CROCC2: variants seen among roughly 807,000 people sequenced by gnomAD.
The protein encoded by CROCC2 is ciliary rootlet coiled-coil, rootletin family member 2.
Under a neutral mutation model 177.6 loss-of-function variants are expected in CROCC2, and 163 were observed. That is an observed-to-expected ratio of 0.92 (90% CI 0.81 to 1.05). CROCC2 has a LOEUF of 1.05. CROCC2 is among the 50% of genes least tolerant of loss of function. CROCC2 has a pLI of 0.00. For missense variants in CROCC2, 1,929 were observed against 1,797.8 expected (o/e 1.07, Z -1.32); for synonymous variants, 904 against 787.3 (o/e 1.15, Z -2.48).
chr2:240,961,330 A>T (rs545103805), intron 20 of CROCC2, among the ~76,000 whole-genome samples: 23 of 152,276 alleles, frequency 1.5e-4, no homozygotes, highest in Admixed American at 1.4e-3. Flanking sequence ...GCAGACACAC[A>T]AGCCTCACAC....
At chr2:240,964,655 A>C (rs1043020304) in intron 22 of CROCC2, 30 bp downstream of exon 22, 15 of 1,541,022 alleles carry the variant, frequency 9.7e-6, no homozygotes, top group Non-Finnish European at 1.3e-5. Flanking sequence ...TCAACATCCA[A>C]CCAGGCACCC....
intron 18 of CROCC2, among the ~76,000 whole-genome samples, chr2:240,954,171 C>T (rs550662337): frequency 1.2e-3 from 180 of 152,348 alleles, no homozygotes; most frequent in African/African-American, 4.1e-3. Context: ...AAATCCCCCA[C>T]TCCTGCCCCT....
In CROCC2 at chr2:240,955,895, A is replaced by G. The variant is rs1175721471; in HGVS notation, c.2866A>G (p.Ser956Gly). 1 of 1,534,884 alleles carries G rather than the reference A, an allele frequency of 6.5e-7. No individual in the cohort carries two copies. The change falls in exon 19 of 32, where the codon AGT becomes GGT. Residue 956 changes from serine (S) to glycine (G), a missense_variant. Physicochemically the swap from Ser to Gly is moderately conservative, Grantham distance 56 (BLOSUM62 0). Coordinates refer to ENST00000690015, the MANE Select transcript of CROCC2 (RefSeq NM_001351305.2). ...SLKETERSLL[S>G]EELSRARRTL... Reference sequence around the variant, plus strand: ...GAAAGAAACAGAGCGGAGCCTTCTGAGTGAGGAGCTCTCCAGGGCCAGGAG... The same window carrying G: ...GAAAGAAACAGAGCGGAGCCTTCTGGGTGAGGAGCTCTCCAGGGCCAGGAG...
rs944611787 is a variant in CROCC2, at chr2:240,922,584, G to C, written c.427G>C (p.Glu143Gln). ...ETTEAQLRRS[E>Q]LEHSVDLEEA... Reference sequence around the variant, plus strand: ...CACCGAGGCTCAGCTGCGGAGGTCAGAGCTGGAGCACAGCGTGGATCTGGA... The same window carrying C: ...CACCGAGGCTCAGCTGCGGAGGTCACAGCTGGAGCACAGCGTGGATCTGGA... Residue 143 changes from glutamate to glutamine, a missense_variant, in exon 4 of 32, where the codon GAG becomes CAG. Around this residue, in one of 3 missense-constraint regions of CROCC2, gnomAD observed 1,397 missense variants for 1,239.9 expected, o/e 1.13. Transcript: ENST00000690015. 11 of 695,572 alleles carry C rather than the reference G, an allele frequency of 1.6e-5. No individual in the cohort carries two copies. In the Admixed American group the frequency reaches 1.6e-4, roughly 10 times the overall value. The allele number at this position is 695,572 out of a possible 1,614,324, so 43.1% of individuals were successfully genotyped here. A position where few individuals can be genotyped will look rare whatever the true frequency, so the allele number is the denominator to read the frequency against.
intron 26 of CROCC2, 127 bp downstream of exon 26, chr2:240,967,592 G>T: frequency 6.7e-7 from 1 of 1,486,082 alleles, no homozygotes; most frequent in Non-Finnish European, 9.0e-7. Context: ...GAGCCTGGGG[G>T]CAACACCCAA....
At chr2:240,964,747 G>A (rs1406097750) in intron 22 of CROCC2, 122 bp downstream of exon 22, 1 of 1,255,474 alleles carries the variant, frequency 8.0e-7, no homozygotes, top group Non-Finnish European at 1.1e-6. Context: ...TCTGTCCCCA[G>A]ACTTTGGGCC....
At chr2:240,962,010 C>T (rs66522707) in intron 20 of CROCC2, among the ~76,000 whole-genome samples, 10 of 43,442 alleles carry the variant, frequency 2.3e-4, no homozygotes, top group Non-Finnish European at 7.6e-4. Context: ...CACTCATCAC[C>T]CACACACACA....
intron 18 of CROCC2, chr2:240,950,733 GCCCATCCATCCATCCTTCCACCCAGCTA>G (rs1286029869): frequency 3.4e-5 from 17 of 498,110 alleles, no homozygotes; most frequent in Admixed American, 2.3e-4. Context: ...CCATCCACTT[GCCCATCCATCCATCCTTCCACCCAGCTA>G]CCCATCCATC....
rs867090978 is a variant in CROCC2, at chr2:240,933,171, C to T, written c.1292C>T (p.Ala431Val). 1 of 1,550,092 alleles carries T rather than the reference C, an allele frequency of 6.5e-7. No homozygotes were observed. Among genetic ancestry groups the T allele is most frequent in the Non-Finnish European group, 8.7e-7 (1 of 1,146,830 alleles). ...LQLKSSQALV[A>V]SLQEQLSESR... is the part of the protein sequence containing the mutation. ...CTGAAGTCCTCCCAGGCACTGGTGG[C>T]CAGTCTCCAGGAGCAGCTGTCCGAA... Residue 431 changes from alanine to valine, a missense_variant, in exon 10 of 32, where the codon GCC becomes GTC. Ala to Val is a moderately conservative substitution (Grantham distance 64, BLOSUM62 0). Around this residue, in one of 3 missense-constraint regions of CROCC2, gnomAD observed 1,397 missense variants for 1,239.9 expected, o/e 1.13. Transcript: ENST00000690015.
At chr2:240,962,937 A>T (rs980931964) in intron 20 of CROCC2, among the ~76,000 whole-genome samples, 2 of 152,174 alleles carry the variant, frequency 1.3e-5, no homozygotes, top group Non-Finnish European at 2.9e-5. Flanking sequence ...CGGGAAACCA[A>T]GACCCTCCTC....
At chr2:240,926,698 G>A (rs961391259) in intron 5 of CROCC2, among the ~76,000 whole-genome samples, 1 of 152,268 alleles carries the variant, frequency 6.6e-6, no homozygotes, top group Non-Finnish European at 1.5e-5. Context: ...CTGTCCCAGA[G>A]GGGCCGCCAC....
chr2:240,991,779 G>C (rs1354824848), intron 31 of CROCC2, among the ~76,000 whole-genome samples: 1 of 152,260 alleles, frequency 6.6e-6, no homozygotes, highest in Non-Finnish European at 1.5e-5. Context: ...TGTCAGGCTG[G>C]CTTCCCCGGC....
At chr2:240,930,487 GCCAGGGAGGTAGGTTGGGGACA>G (rs780804002) in intron 6 of CROCC2, among the ~76,000 whole-genome samples, 6 of 152,256 alleles carry the variant, frequency 3.9e-5, no homozygotes, top group Non-Finnish European at 8.8e-5. Context: ...GGACAAACAG[GCCAGGGAGGTAGGTTGGGGACA>G]CCAAGGAGAG....
At chr2:240,935,736 T>G (rs918910280) in intron 14 of CROCC2, 148 bp downstream of exon 14, 16 of 546,878 alleles carry the variant, frequency 2.9e-5, no homozygotes, top group African/African-American at 2.8e-4. Context: ...AGTGCTGGCC[T>G]CCCCGTGGGG....
At position 240,988,883 on chromosome 2, in the gene CROCC2, A is replaced by G. The variant is rs1218547655; in HGVS notation, c.4683+13A>G. The G allele has an allele frequency of 2.1e-6, 3 of 1,448,538 alleles. No individual in the cohort carries two copies. Among genetic ancestry groups the G allele is most frequent in the Non-Finnish European group, 1.8e-6 (2 of 1,090,488 alleles). 89.7% of individuals were successfully genotyped at this position (1,448,538 alleles called of 1,614,324 possible). A position where few individuals can be genotyped will look rare whatever the true frequency, so the allele number is the denominator to read the frequency against. ...TCAGCAGCTGCAGGTCAACTGGGCC[A>G]GTGGAGCTCTGCATACCCCAGGCCT... On this transcript the variant is annotated intron_variant, in intron 29 of 31. Coordinates refer to ENST00000690015, the MANE Select transcript of CROCC2 (RefSeq NM_001351305.2).
chr2:240,948,689 CA>C (rs1428975547), intron 15 of CROCC2, among the ~76,000 whole-genome samples: 2 of 152,186 alleles, frequency 1.3e-5, no homozygotes, highest in Non-Finnish European at 2.9e-5. Context: ...TCTCCATGCA[CA>C]AATGCACCAA....
At position 240,917,908 on chromosome 2, in the gene CROCC2, G is replaced by T. The variant is rs887799781; in HGVS notation, c.79-818G>T. Among the ~76,000 whole-genome samples the T allele has an allele frequency of 6.6e-6, 1 of 152,128 alleles. No homozygotes were observed. The highest frequency in any genetic ancestry group is 2.4e-5 in the African/African-American group (1 of 41,436). ...ACCTGGCAGGAGTCCCCTGCCCTGG[G>T]GTCCCGGCCCTCCCCAAGCTGTGCC... On this transcript the variant is annotated intron_variant, in intron 1 of 31. Transcript: ENST00000690015. The surrounding 1 kb of genome is among the most constrained non-coding windows in gnomAD (Gnocchi z 4.9).
At chr2:240,941,216 C>T (rs952659860) in intron 14 of CROCC2, among the ~76,000 whole-genome samples, 1 of 152,198 alleles carries the variant, frequency 6.6e-6, no homozygotes, top group African/African-American at 2.4e-5. Context: ...ATCCTATGCT[C>T]ATGGACGAGT....
chr2:240,907,105 G>A (rs946180766), intron 1 of CROCC2, among the ~76,000 whole-genome samples: 17 of 152,170 alleles, frequency 1.1e-4, no homozygotes, highest in Non-Finnish European at 1.5e-4. Context: ...CTGGGACCTC[G>A]TTCACTGCCC....
Sources: allele counts gnomAD v4.1 joint callset (sites outside exome capture counted in the v4.1 genomes callset), GRCh38; gene constraint gnomAD v4.1.1; regional missense constraint gnomAD v4.1.1; non-coding constraint Gnocchi (gnomAD v3.1); transcripts MANE v1.5; gene names NCBI Gene and HGNC (gene_info 2026-07-23, HGNC 2026-07-21).